UGT3A2: variants seen among roughly 807,000 people sequenced by gnomAD.
The protein encoded by UGT3A2 is UDP glycosyltransferase family 3 member A2.
Under a neutral mutation model 39.8 loss-of-function variants are expected in UGT3A2, and 32 were observed. The ratio of observed to expected loss-of-function variants is 0.80; its 90% CI spans 0.61 to 1.08. The LOEUF (loss-of-function observed/expected upper bound fraction) is 1.08, where lower values mean the gene tolerates loss of function less well. UGT3A2 is among the 50% of genes least tolerant of loss of function. The probability of loss-of-function intolerance (pLI) is 0.00; values close to 1 mark genes in which losing one functional copy is unlikely to be tolerated. For missense variants in UGT3A2, 611 were observed against 637.1 expected, an observed-to-expected ratio of 0.96 and a Z score of 0.44; for synonymous variants, 241 against 230.7, an observed-to-expected ratio of 1.04 and a Z score of -0.40.
intron 4 of UGT3A2, among the ~76,000 whole-genome samples, chr5:36,043,642 A>C (rs2111710418): frequency 6.6e-6 from 1 of 152,070 alleles, no homozygotes; most frequent in East Asian, 1.9e-4. Context: ...AAGAGAGAAA[A>C]CCCAAATAAA....
intron 4 of UGT3A2, among the ~76,000 whole-genome samples, chr5:36,044,049 A>G (rs555287314): frequency 3.0e-4 from 45 of 152,296 alleles, no homozygotes; most frequent in Non-Finnish European, 4.3e-4. Flanking sequence ...AGGAAACTAC[A>G]GGCTAATATC....
intron 4 of UGT3A2, among the ~76,000 whole-genome samples, chr5:36,046,503 C>A (rs1742169778): frequency 6.6e-6 from 1 of 152,092 alleles, no homozygotes; most frequent in Non-Finnish European, 1.5e-5. Context: ...GTGAACTAAG[C>A]CAGACACGGA....
intron 1 of UGT3A2, among the ~76,000 whole-genome samples, chr5:36,066,113 C>T (rs577767475): frequency 6.1e-4 from 93 of 152,180 alleles, no homozygotes; most frequent in Non-Finnish European, 1.2e-3. Flanking sequence ...TGACCTGGAT[C>T]TTCTCCTCAG....
At chr5:36,058,213 C>T (rs1231296550) in intron 2 of UGT3A2, among the ~76,000 whole-genome samples, 1 of 152,190 alleles carries the variant, frequency 6.6e-6, no homozygotes, top group Non-Finnish European at 1.5e-5. Context: ...AAAGTTCTAA[C>T]ACATGCTAAA....
rs72744511 is a variant in UGT3A2 at position 36,059,481 on chromosome 5, T to C, written c.196+4768A>G. Among the ~76,000 whole-genome samples the C allele has an allele frequency of 4.6e-3, 698 of 151,070 alleles. 3 individuals are homozygous for C. The highest frequency in any genetic ancestry group is 0.014 in the Middle Eastern group (4 of 290). The stretch of plus-strand genomic sequence containing the variant: ...AGGGTGGTGAGCAGGAGAGGGAGGA[T>C]GAAAATTGGCTTGTACCGTCTTCTG... On this transcript the variant is annotated intron_variant, in intron 2 of 6. Transcript: ENST00000282507.
At chr5:36,036,832 C>A (rs1373077803) in intron 6 of UGT3A2, among the ~76,000 whole-genome samples, 1 of 152,072 alleles carries the variant, frequency 6.6e-6, no homozygotes, top group African/African-American at 2.4e-5. Context: ...TGGTTTGTGC[C>A]CTTGAAACTC....
intron 2 of UGT3A2, among the ~76,000 whole-genome samples, chr5:36,062,654 T>G (rs149069391): frequency 6.6e-6 from 1 of 152,062 alleles, no homozygotes; most frequent in Admixed American, 6.5e-5. Flanking sequence ...AGTCTTGTAG[T>G]ATAGTTTGAA....
chr5:36,061,117 A>G (rs1742684238), intron 2 of UGT3A2, among the ~76,000 whole-genome samples: 4 of 152,178 alleles, frequency 2.6e-5, no homozygotes, highest in Admixed American at 2.6e-4. Flanking sequence ...GGTTGCAGTG[A>G]GCCAAGATCA....
At chr5:36,055,176 G>A (rs570452074) in intron 2 of UGT3A2, among the ~76,000 whole-genome samples, 6 of 151,762 alleles carry the variant, frequency 4.0e-5, no homozygotes, top group South Asian at 2.1e-4. Flanking sequence ...TGTGACCCTC[G>A]TGGGTATGTC....
intron 1 of UGT3A2, among the ~76,000 whole-genome samples, chr5:36,065,272 T>G (rs1315369992): frequency 1.3e-5 from 2 of 152,114 alleles, no homozygotes; most frequent in Non-Finnish European, 2.9e-5. Flanking sequence ...AGTGTTCAGC[T>G]CTCTGAATGA....
intron 2 of UGT3A2, among the ~76,000 whole-genome samples, chr5:36,054,402 G>A (rs545699998): frequency 2.0e-5 from 3 of 152,270 alleles, no homozygotes; most frequent in Non-Finnish European, 4.4e-5. Context: ...GAATGAAAAT[G>A]TATTCATCTT....
intron 4 of UGT3A2, 64 bp downstream of exon 4, chr5:36,048,825 G>C: frequency 6.4e-7 from 1 of 1,559,472 alleles, no homozygotes. Context: ...GCAAGTGGCA[G>C]CCACCAACTA....
At chr5:36,061,359 T>C (rs530575420) in intron 2 of UGT3A2, among the ~76,000 whole-genome samples, 73 of 151,074 alleles carry the variant, frequency 4.8e-4, no homozygotes, top group African/African-American at 1.6e-3. Context: ...CATCTAGCAT[T>C]AGGTATATCT....
At chr5:36,037,771 G>A in intron 6 of UGT3A2, 26 bp downstream of exon 6, 2 of 1,612,886 alleles carry the variant, frequency 1.2e-6, no homozygotes, top group Non-Finnish European at 1.7e-6. Flanking sequence ...TCGTCATTAT[G>A]ACCACAACCC....
chr5:36,045,264 T>C (rs1007906030), intron 4 of UGT3A2, among the ~76,000 whole-genome samples: 1 of 152,068 alleles, frequency 6.6e-6, no homozygotes, highest in Non-Finnish European at 1.5e-5. Flanking sequence ...AAAAAAAAAC[T>C]AGATATGCAT....
rs769005430 is a variant in UGT3A2, at chr5:36,035,867, G to A, written c.1403C>T (p.Ala468Val). The A allele has an allele frequency of 1.1e-5, 18 of 1,614,054 alleles. No individual in the cohort carries two copies. Among genetic ancestry groups the A allele is most frequent in the South Asian group, 5.5e-5 (5 of 91,082 alleles). Residue 468 changes from alanine (A) to valine (V), a missense_variant, in exon 7 of 7, where the codon GCG (alanine) becomes GTG (valine). By Grantham distance (64) the Ala-to-Val change is moderately conservative. Coordinates refer to ENST00000282507, the MANE Select transcript of UGT3A2 (RefSeq NM_174914.4). Reference sequence around the variant, plus strand: ...AAAGACATAGGGCTTGAGGTGCGTCGCGCCCCCTGTCTGGAGGACGTGGTC... The same window carrying A: ...AAAGACATAGGGCTTGAGGTGCGTCACGCCCCCTGTCTGGAGGACGTGGTC... ...WIDHVLQTGG[A>V]THLKPYVFQQ...
At chr5:36,064,432 A>G in intron 1 of UGT3A2, 82 bp from the exon 2 acceptor site, 1 of 1,223,788 alleles carries the variant, frequency 8.2e-7, no homozygotes, top group South Asian at 1.4e-5. Flanking sequence ...AGGAGAGGAA[A>G]GGTAAGGAAA....
chr5:36,053,448 A>G (rs918279917), intron 2 of UGT3A2, among the ~76,000 whole-genome samples: 1 of 152,164 alleles, frequency 6.6e-6, no homozygotes, highest in African/African-American at 2.4e-5. Flanking sequence ...CATGTTTATT[A>G]CTTGAAAATC....
chr5:36,061,098 G>C (rs1211123552), intron 2 of UGT3A2, among the ~76,000 whole-genome samples: 2 of 152,110 alleles, frequency 1.3e-5, no homozygotes, highest in Non-Finnish European at 2.9e-5. Flanking sequence ...CTTGAACCTA[G>C]GTAACGGAGG....
Sources: allele counts gnomAD v4.1 joint callset (sites outside exome capture counted in the v4.1 genomes callset), GRCh38; gene constraint gnomAD v4.1.1; transcripts MANE v1.5; gene names NCBI Gene and HGNC (gene_info 2026-07-23, HGNC 2026-07-21).